Variants in OPRM1 observed in about 807,000 individuals in gnomAD.
OPRM1 encodes the protein mu-type opioid receptor.
In OPRM1, 27 loss-of-function variants were observed where a neutral mutation model predicts 31.8. The observed-to-expected ratio is 0.85, with a 90% CI of 0.63 to 1.17. The LOEUF (loss-of-function observed/expected upper bound fraction) is 1.17. Among genes scored for constraint, OPRM1 ranks in the 50% most tolerant of loss-of-function variants. The pLI is 0.00. For synonymous variants in OPRM1, 196 were observed against 189.9 expected, an observed-to-expected ratio of 1.03 and a Z score of -0.26; for missense variants, 536 against 511.1, an observed-to-expected ratio of 1.05 and a Z score of -0.47.
chr6:154,071,554 TA>T (rs139569995), intron 1 of OPRM1, among the ~76,000 whole-genome samples: 3,155 of 150,304 alleles, frequency 0.021, 113 homozygotes, highest in African/African-American at 0.07. Context: ...CCTGTAGTTT[TA>T]AAAAAAAAAT....
chr6:154,221,258 C>T (rs761100090), intron 3 of OPRM1: 8 of 1,613,258 alleles, frequency 5.0e-6, no homozygotes, highest in Non-Finnish European at 6.8e-6. Context: ...TCTACTTACA[C>T]GTTCATTTCC....
chr6:154,196,244 T>C (rs966963879), intron 3 of OPRM1, among the ~76,000 whole-genome samples: 9 of 152,320 alleles, frequency 5.9e-5, no homozygotes, highest in East Asian at 1.9e-4. Context: ...TGAGGAGGCA[T>C]ACTGCATGAT....
chr6:154,185,985 GT>G (rs1350151802), intron 3 of OPRM1, among the ~76,000 whole-genome samples: 1 of 152,200 alleles, frequency 6.6e-6, no homozygotes, highest in Non-Finnish European at 1.5e-5. Context: ...CTTAACAGGG[GT>G]TATTGCTTGT....
At chr6:154,229,381 T>G (rs1325566494) in intron 3 of OPRM1, among the ~76,000 whole-genome samples, 13 of 140,420 alleles carry the variant, frequency 9.3e-5, no homozygotes, top group African/African-American at 3.5e-4. Flanking sequence ...ACGGAGTCTC[T>G]CTCTGTCGCC....
chr6:154,143,845 A>G (rs1798285397), intron 3 of OPRM1, among the ~76,000 whole-genome samples: 1 of 152,224 alleles, frequency 6.6e-6, no homozygotes, highest in East Asian at 1.9e-4. Context: ...AATTGAAAAC[A>G]GAAAAACAAT....
At chr6:154,076,326 C>A (rs1229595285) in intron 1 of OPRM1, among the ~76,000 whole-genome samples, 2 of 152,100 alleles carry the variant, frequency 1.3e-5, no homozygotes, top group Admixed American at 1.3e-4. Context: ...CAATAGCAAT[C>A]TTTGAGGAAC....
intron 3 of OPRM1, among the ~76,000 whole-genome samples, chr6:154,238,688 C>T (rs1280996537): frequency 6.6e-6 from 1 of 151,928 alleles, no homozygotes; most frequent in East Asian, 1.9e-4. Context: ...TACTGTATAA[C>T]CTTTTTTATA....
intron 3 of OPRM1, among the ~76,000 whole-genome samples, chr6:154,113,990 T>C (rs956701909): frequency 2.0e-5 from 3 of 152,102 alleles, no homozygotes; most frequent in African/African-American, 7.2e-5. Context: ...AGGTGGAGAC[T>C]GTTTCCCTTT....
chr6:154,129,822 G>A lies in OPRM1; in HGVS notation c.*11101G>A, dbSNP rs1167562370. ...CAGTCAGGCACTTTGCATTTTAAGC[G>A]TACTTTACCACCGACACCCTCCCCC... On this transcript the variant is annotated 3_prime_UTR_variant, in exon 4 of 4. Transcript: ENST00000330432. Among the ~76,000 whole-genome samples the A allele has an allele frequency of 2.7e-5, 4 of 149,016 alleles. No homozygotes were observed. The highest frequency in any genetic ancestry group is 5.9e-5 in the Non-Finnish European group (4 of 67,570).
chr6:154,131,822 C>T lies in OPRM1; in HGVS notation c.*13101C>T, dbSNP rs140010326. Among the ~76,000 whole-genome samples, 14 of 151,908 alleles carry T rather than the reference C, an allele frequency of 9.2e-5. No homozygotes were observed. The East Asian group carries it at 2.5e-3, about 27-fold the overall frequency. On this transcript the variant is annotated 3_prime_UTR_variant, in exon 4 of 4. Coordinates refer to ENST00000330432, the MANE Select transcript of OPRM1 (RefSeq NM_000914.5). ...AATATTTGCCTGGAAACCTGTATTT[C>T]GCCTATAGAGACAAATACATATATT...
chr6:154,090,942 T>C lies in OPRM1; in HGVS notation c.644-10T>C. 3.1e-6 allele frequency: 5 copies of C among 1,598,436 alleles called. No individual in the cohort carries two copies. The highest frequency in any genetic ancestry group is 8.5e-7 in the Non-Finnish European group (1 of 1,172,860). ...GCTGCTAATTTTTCCTTTAAATTCC[T>C]TTCTTCTAGGTTCCATAGATTGTAC... is the stretch of plus-strand genomic sequence containing the variant. On this transcript the variant is annotated splice_polypyrimidine_tract_variant and intron_variant, in intron 2 of 3. Coordinates refer to ENST00000330432, the MANE Select transcript of OPRM1 (RefSeq NM_000914.5).
intron 3 of OPRM1, chr6:154,093,497 T>C (rs1225946006): frequency 3.7e-6 from 6 of 1,604,328 alleles, no homozygotes; most frequent in Admixed American, 1.7e-5. Context: ...CCTTCCAAAT[T>C]CGGCATTTTC....
chr6:154,127,872 T>C lies in OPRM1; in HGVS notation c.*9151T>C, dbSNP rs994010760. The stretch of plus-strand genomic sequence containing the variant: ...TTGGCTGTAATACAATTTGTTCCCG[T>C]CTGCCCCCAGGCTCACCCAGTGCTC... On this transcript the variant is annotated 3_prime_UTR_variant, in exon 4 of 4. Coordinates refer to ENST00000330432, the MANE Select transcript of OPRM1 (RefSeq NM_000914.5). Among the ~76,000 whole-genome samples, 2 of 152,166 alleles carry C rather than the reference T, an allele frequency of 1.3e-5. No individual in the cohort carries two copies. The highest frequency in any genetic ancestry group is 2.9e-5 in the Non-Finnish European group (2 of 68,028).
In OPRM1 at chr6:154,123,742, G is replaced by C. The variant is rs1797427318; in HGVS notation, c.*5021G>C. On this transcript the variant is annotated 3_prime_UTR_variant, in exon 4 of 4. Coordinates refer to ENST00000330432, the MANE Select transcript of OPRM1 (RefSeq NM_000914.5). Reference sequence around the variant, plus strand: ...AGGGCAACTTCCTGACATTGCCATGGCATTTGTAAACTGTCGTGGTACTGG... The same window carrying C: ...AGGGCAACTTCCTGACATTGCCATGCCATTTGTAAACTGTCGTGGTACTGG... 6.6e-6 allele frequency among the ~76,000 whole-genome samples: 1 copy of C among 152,200 alleles called. No individual in the cohort carries two copies. Among genetic ancestry groups the C allele is most frequent in the South Asian group, 2.1e-4 (1 of 4,828 alleles).
chr6:154,134,163 C>T (rs1246666103), downstream of OPRM1, among the ~76,000 whole-genome samples: 3 of 152,172 alleles, frequency 2.0e-5, no homozygotes, highest in Non-Finnish European at 2.9e-5. Context: ...AACATCCATG[C>T]CTAATTTCTG....
chr6:154,040,442 A>T (rs1391574513), intron 1 of OPRM1, among the ~76,000 whole-genome samples: 7 of 152,154 alleles, frequency 4.6e-5, no homozygotes, highest in Admixed American at 3.9e-4. Context: ...TCCTGAGGCA[A>T]CACTAGGTAG....
At chr6:154,211,285 G>A (rs1777940920) in intron 3 of OPRM1, among the ~76,000 whole-genome samples, 1 of 151,932 alleles carries the variant, frequency 6.6e-6, no homozygotes. Context: ...GCGAGGTGGC[G>A]AGCACCCCAG....
chr6:154,030,024 G>A (rs571644804), intron 1 of OPRM1, among the ~76,000 whole-genome samples: 9 of 148,462 alleles, frequency 6.1e-5, no homozygotes, highest in South Asian at 4.2e-4. Context: ...CTCCCAAGCC[G>A]TATTGAACTG....
chr6:154,153,513 G>A (rs974361376), intron 3 of OPRM1, among the ~76,000 whole-genome samples: 4 of 152,190 alleles, frequency 2.6e-5, no homozygotes, highest in East Asian at 1.9e-4. Context: ...GCGAAGTCCC[G>A]TCTCTACTGA....
Sources: allele counts gnomAD v4.1 joint callset (sites outside exome capture counted in the v4.1 genomes callset), GRCh38; gene constraint gnomAD v4.1.1; transcripts MANE v1.5; gene names NCBI Gene and HGNC (gene_info 2026-07-23, HGNC 2026-07-21).